CADM2: variants seen among roughly 807,000 people sequenced by gnomAD.
CADM2 encodes the protein cell adhesion molecule 2.
In CADM2, 12 loss-of-function variants were observed where a neutral mutation model predicts 49.8. The observed-to-expected ratio is 0.24, with a 90% CI of 0.15 to 0.39. The LOEUF (loss-of-function observed/expected upper bound fraction) is 0.39. Ranked by LOEUF, CADM2 falls within the 10% of genes least tolerant of loss-of-function variation. The pLI is 1.00. For missense variants in CADM2, 378 were observed against 492.3 expected (o/e 0.77, Z 2.20); for synonymous variants, 214 against 175.4 (o/e 1.22, Z -1.74).
chr3:85,891,195 A>C (rs1714384133), intron 5 of CADM2, among the ~76,000 whole-genome samples: 1 of 152,220 alleles, frequency 6.6e-6, no homozygotes, highest in Admixed American at 6.5e-5. Context: ...CATAGCAAGA[A>C]AGTGAATATC....
chr3:85,988,862 A>G (rs559641810), intron 8 of CADM2, among the ~76,000 whole-genome samples: 20 of 152,344 alleles, frequency 1.3e-4, no homozygotes, highest in African/African-American at 4.8e-4. Context: ...AGAAGGCTGA[A>G]CAATGAGTGT....
intron 1 of CADM2, among the ~76,000 whole-genome samples, chr3:85,226,369 G>A (rs899842453): frequency 1.1e-4 from 16 of 151,970 alleles, no homozygotes; most frequent in African/African-American, 3.6e-4. Flanking sequence ...ATGTGTCCAG[G>A]AATTTATCCA....
chr3:86,013,698 C>T (rs942508690), intron 8 of CADM2: 6 of 1,600,916 alleles, frequency 3.7e-6, no homozygotes, highest in Non-Finnish European at 5.1e-6. Flanking sequence ...TGATGAATCT[C>T]ATAGCCTAAG....
At chr3:85,265,667 A>G (rs371636511) in intron 1 of CADM2, among the ~76,000 whole-genome samples, 81 of 152,134 alleles carry the variant, frequency 5.3e-4, no homozygotes, top group Non-Finnish European at 9.9e-4. Flanking sequence ...TTCCCAACAC[A>G]TGAACTTTGG....
chr3:85,165,906 T>A (rs1396184599), intron 1 of CADM2, among the ~76,000 whole-genome samples: 1 of 151,768 alleles, frequency 6.6e-6, no homozygotes, highest in East Asian at 1.9e-4. Flanking sequence ...GGTATAGTGA[T>A]GTAGCTATAT....
chr3:85,411,438 AC>A (rs1342936243), intron 1 of CADM2, among the ~76,000 whole-genome samples: 4 of 152,198 alleles, frequency 2.6e-5, no homozygotes, highest in African/African-American at 9.7e-5. Flanking sequence ...AGTTCAGTAT[AC>A]TTTAGTTTAT....
chr3:85,068,084 C>T (rs186315513), intron 1 of CADM2, among the ~76,000 whole-genome samples: 1 of 152,124 alleles, frequency 6.6e-6, no homozygotes, highest in East Asian at 1.9e-4. Context: ...TTCTGTTTCT[C>T]TAGACACTAT....
chr3:85,848,708 A>G (rs1026243282), intron 3 of CADM2, among the ~76,000 whole-genome samples: 7 of 152,300 alleles, frequency 4.6e-5, no homozygotes, highest in Admixed American at 3.3e-4. Context: ...AATGCTTTTA[A>G]ATGATTTTTC....
chr3:85,669,091 T>C (rs2065660212), intron 1 of CADM2, among the ~76,000 whole-genome samples: 1 of 152,126 alleles, frequency 6.6e-6, no homozygotes, highest in African/African-American at 2.4e-5. Context: ...TAAACTTGTT[T>C]ACTGTACCTG....
rs566938295 is a variant in CADM2, at chr3:85,253,091, A to T, written c.61+293423A>T. On this transcript the variant is annotated intron_variant, in intron 1 of 9. Coordinates refer to ENST00000383699, the MANE Select transcript of CADM2 (RefSeq NM_001167675.2). Reference sequence around the variant, plus strand: ...AACCAAAAGAAATATGCTGTAAGTAATGTCAGTCTAAATTTAAAATTTTGC... The same window carrying T: ...AACCAAAAGAAATATGCTGTAAGTATTGTCAGTCTAAATTTAAAATTTTGC... 4.6e-5 allele frequency among the ~76,000 whole-genome samples: 7 copies of T among 152,222 alleles called. No individual in the cohort carries two copies. The South Asian group carries it at 1.4e-3, about 32-fold the overall frequency.
chr3:85,939,468 A>AAC (rs373804679), intron 7 of CADM2, among the ~76,000 whole-genome samples: 6,831 of 137,034 alleles, frequency 0.05, 287 homozygotes, highest in African/African-American at 0.12. Context: ...AGTAAACGAA[A>AAC]ACACACACAC....
chr3:85,663,359 C>T (rs879088512), intron 1 of CADM2, among the ~76,000 whole-genome samples: 3 of 151,924 alleles, frequency 2.0e-5, no homozygotes, highest in Admixed American at 6.6e-5. Flanking sequence ...TCCCACTCAG[C>T]GCTTTTTTTC....
At chr3:85,494,909 G>A (rs1208608044) in intron 1 of CADM2, among the ~76,000 whole-genome samples, 3 of 152,074 alleles carry the variant, frequency 2.0e-5, no homozygotes, top group Non-Finnish European at 2.9e-5. Context: ...TCAACCAGAG[G>A]ATGAATGGGG....
intron 2 of CADM2, among the ~76,000 whole-genome samples, chr3:85,743,879 T>C (rs1438349176): frequency 6.6e-6 from 1 of 152,124 alleles, no homozygotes; most frequent in Non-Finnish European, 1.5e-5. Context: ...TTTAAATAAA[T>C]ATATATTTAA....
At chr3:85,866,749 C>T (rs2075737875) in intron 3 of CADM2, among the ~76,000 whole-genome samples, 1 of 151,988 alleles carries the variant, frequency 6.6e-6, no homozygotes, top group East Asian at 1.9e-4. Context: ...CTCCATTTGT[C>T]CCCATTATTC....
At chr3:85,095,750 T>C (rs1470645453) in intron 1 of CADM2, among the ~76,000 whole-genome samples, 2 of 152,188 alleles carry the variant, frequency 1.3e-5, no homozygotes, top group Non-Finnish European at 2.9e-5. Flanking sequence ...TCCATAATTA[T>C]TCCACCAGTG....
rs2064546794 is a variant in CADM2, at chr3:85,637,620, A to AT, written c.62-88902_62-88901insT. Among the ~76,000 whole-genome samples the AT allele has an allele frequency of 7.6e-5, 11 of 144,182 alleles. 1 individual carries two copies. The highest frequency in any genetic ancestry group is 1.4e-4 in the Non-Finnish European group (9 of 66,584). The allele number at this position is 144,182 out of a possible 152,430, so 94.6% of individuals were successfully genotyped here. On this transcript the variant is annotated intron_variant, in intron 1 of 9. Coordinates refer to ENST00000383699, the MANE Select transcript of CADM2 (RefSeq NM_001167675.2). ...CGAGACTCCGTCTCAAAAAAAAAAA[A>AT]AAAAATAAAATAAAATAAATAAATA...
At chr3:85,661,877 G>C (rs1216578206) in intron 1 of CADM2, among the ~76,000 whole-genome samples, 2 of 151,950 alleles carry the variant, frequency 1.3e-5, no homozygotes, top group Admixed American at 6.6e-5. Flanking sequence ...ATTTCAGGTA[G>C]AGACAGTAAA....
intron 1 of CADM2, among the ~76,000 whole-genome samples, chr3:85,442,671 T>G (rs889049779): frequency 3.4e-5 from 5 of 145,452 alleles, no homozygotes; most frequent in Middle Eastern, 3.6e-3. Flanking sequence ...ATTTCAGAGT[T>G]CAGGGATTGA....
Sources: allele counts gnomAD v4.1 joint callset (sites outside exome capture counted in the v4.1 genomes callset), GRCh38; gene constraint gnomAD v4.1.1; transcripts MANE v1.5; gene names NCBI Gene and HGNC (gene_info 2026-07-23, HGNC 2026-07-21).